Variants in WDFY4 observed in about 807,000 individuals in gnomAD.
WDFY4 encodes WDFY family member 4.
A neutral mutation model predicts 351.9 loss-of-function variants in WDFY4; 169 were observed. That is an observed-to-expected ratio of 0.48 (90% confidence interval 0.42 to 0.55). The LOEUF (loss-of-function observed/expected upper bound fraction) is 0.55, where lower values mean the gene tolerates loss of function less well. WDFY4 is among the 20% of genes least tolerant of loss of function. The pLI, the probability that WDFY4 is intolerant of heterozygous loss-of-function variation, is 0.00. For missense variants in WDFY4, 3,803 were observed against 3,935.6 expected (o/e 0.97, Z 0.90); for synonymous variants, 1,622 against 1,574.6 (o/e 1.03, Z -0.71).
In WDFY4 at chr10:48,743,142, C is replaced by T; in HGVS notation, c.2053C>T (p.Leu685Phe). 3 of 1,551,702 alleles carry T rather than the reference C, an allele frequency of 1.9e-6. No individual in the cohort carries two copies. The highest frequency in any genetic ancestry group is 2.6e-6 in the Non-Finnish European group (3 of 1,146,996). ...RQTLELVLYT[L>F]CAVSAALHWD... The stretch of plus-strand genomic sequence containing the variant: ...GACCCTGGAGCTGGTTTTGTACACT[C>T]TCTGTGCTGTGTCCGCAGCGCTGCA... Residue 685 changes from leucine to phenylalanine, a missense_variant, in exon 12 of 62, where the codon CTC (leucine) becomes TTC (phenylalanine). Physicochemically the swap from Leu to Phe is conservative, Grantham distance 22 (BLOSUM62 0). Coordinates refer to ENST00000325239, the MANE Select transcript of WDFY4 (RefSeq NM_001394531.1).
chr10:48,739,177 A>T (rs4592358), intron 11 of WDFY4, among the ~76,000 whole-genome samples: 3,892 of 152,360 alleles, frequency 0.026, 84 homozygotes, highest in Non-Finnish European at 0.04. Flanking sequence ...ATGGAAAATT[A>T]TGAGGAATAA....
At position 48,709,840 on chromosome 10, in the gene WDFY4, G is replaced by A. The variant is rs1211487176; in HGVS notation, c.108G>A (p.Gln36=). ...AVQPDVPHGG[Q]SSSPTALWDM... is the part of the protein sequence containing the mutation. The stretch of plus-strand genomic sequence containing the variant: ...AGCCTGATGTCCCACATGGAGGGCA[G>A]TCCTCCAGCCCCACAGCTCTCTGGG... Residue 36 remains glutamine (Q), a synonymous_variant, in exon 2 of 62, where the codon CAG becomes CAA. Coordinates refer to ENST00000325239, the MANE Select transcript of WDFY4 (RefSeq NM_001394531.1). The A allele has an allele frequency of 6.4e-7, 1 of 1,551,900 alleles. No individual in the cohort carries two copies. The highest frequency in any genetic ancestry group is 2.4e-5 in the East Asian group (1 of 40,928).
chr10:48,845,461 A>G (rs1322190145), intron 39 of WDFY4, among the ~76,000 whole-genome samples: 1 of 150,466 alleles, frequency 6.6e-6, no homozygotes, highest in Non-Finnish European at 1.5e-5. Context: ...TTATGCTGTA[A>G]AAAGAGGTGC....
chr10:48,704,317 G>A (rs1334603401), intron 1 of WDFY4, among the ~76,000 whole-genome samples: 2 of 152,196 alleles, frequency 1.3e-5, no homozygotes, highest in Non-Finnish European at 1.5e-5. Flanking sequence ...CCTCGTGGCT[G>A]TGTGAGAAGG....
chr10:48,800,626 CAG>C (rs1414188271), intron 24 of WDFY4, among the ~76,000 whole-genome samples: 2 of 151,802 alleles, frequency 1.3e-5, no homozygotes, highest in African/African-American at 4.8e-5. Context: ...AGTTGAGAAT[CAG>C]GGAGGAACAG....
In WDFY4 at chr10:48,730,187, G is replaced by A. The variant is rs142434841; in HGVS notation, c.1129+598G>A. 2.4e-3 allele frequency among the ~76,000 whole-genome samples: 369 copies of A among 152,366 alleles called. 2 individuals are homozygous for A. The highest frequency in any genetic ancestry group is 8.6e-3 in the African/African-American group (357 of 41,590). On this transcript the variant is annotated intron_variant, in intron 8 of 61. Transcript: ENST00000325239. ...GAGTTTTTAAGGCTAAGTGTGGGTTGTCTAGGTTGAGATGAAGGGAGAAAG... is the reference window on the plus strand; with the variant it reads ...GAGTTTTTAAGGCTAAGTGTGGGTTATCTAGGTTGAGATGAAGGGAGAAAG...
chr10:48,784,469 G>A (rs911103995), intron 19 of WDFY4, among the ~76,000 whole-genome samples: 1 of 130,858 alleles, frequency 7.6e-6, no homozygotes, highest in Non-Finnish European at 1.6e-5. Flanking sequence ...TTTGCCATCT[G>A]TATATTCTCC....
rs2063309735 is a variant in WDFY4, at chr10:48,695,561, C to T, written c.-18+10560C>T. Among the ~76,000 whole-genome samples, 6 of 152,226 alleles carry T rather than the reference C, an allele frequency of 3.9e-5. No homozygotes were observed. In the South Asian group the frequency reaches 1.2e-3, roughly 32 times the overall value. Reference sequence around the variant, plus strand: ...AGTGGGAATAGTAATGCCTACCTTACAGGTTTTCTAAGAGTAGAGAACATT... The same window carrying T: ...AGTGGGAATAGTAATGCCTACCTTATAGGTTTTCTAAGAGTAGAGAACATT... On this transcript the variant is annotated intron_variant, in intron 1 of 61. Coordinates refer to ENST00000325239, the MANE Select transcript of WDFY4 (RefSeq NM_001394531.1).
At position 48,684,894 on chromosome 10, in the gene WDFY4, C is replaced by G. The variant is rs2063000891; in HGVS notation, c.-125C>G. On this transcript the variant is annotated 5_prime_UTR_variant, in exon 1 of 62. Coordinates refer to ENST00000325239, the MANE Select transcript of WDFY4 (RefSeq NM_001394531.1). ...ATTCAGAGTGAAACGGCGCTGAGGA[C>G]TGACGATGTGGGGCCGGGTCCTCTT... The G allele has an allele frequency of 6.6e-6, 1 of 152,398 alleles. No homozygotes were observed. The highest frequency in any genetic ancestry group is 1.9e-4 in the East Asian group (1 of 5,200). 9.4% of individuals were successfully genotyped at this position (152,398 alleles called of 1,614,324 possible). A position where few individuals can be genotyped will look rare whatever the true frequency, so the allele number is the denominator to read the frequency against.
intron 27 of WDFY4, 55 bp downstream of exon 27, chr10:48,806,150 G>A: frequency 6.6e-7 from 1 of 1,509,734 alleles, no homozygotes; most frequent in Non-Finnish European, 9.0e-7. Context: ...CGGAACCCCT[G>A]AGAGGCCCAC....
At chr10:48,716,263 A>G (rs1051069641) in intron 2 of WDFY4, among the ~76,000 whole-genome samples, 2 of 152,054 alleles carry the variant, frequency 1.3e-5, no homozygotes, top group Non-Finnish European at 2.9e-5. Flanking sequence ...TGGAATACCA[A>G]CCATGTTCTC....
chr10:48,756,792 C>T (rs1369331338), intron 12 of WDFY4, among the ~76,000 whole-genome samples: 1 of 151,970 alleles, frequency 6.6e-6, no homozygotes, highest in Non-Finnish European at 1.5e-5. Flanking sequence ...ACGGGTAGTC[C>T]AATTGGCCAT....
At chr10:48,853,593 A>G (rs1178730057) in intron 39 of WDFY4, among the ~76,000 whole-genome samples, 2 of 152,242 alleles carry the variant, frequency 1.3e-5, no homozygotes, top group Non-Finnish European at 2.9e-5. Context: ...CATTCATTAA[A>G]TCAATTCTCC....
intron 39 of WDFY4, among the ~76,000 whole-genome samples, chr10:48,864,104 A>C (rs1775315344): frequency 6.6e-6 from 1 of 152,198 alleles, no homozygotes; most frequent in Admixed American, 6.5e-5. Flanking sequence ...TAACCATATC[A>C]CTTTTCACTG....
Position 48,721,279 on chromosome 10 carries a change from C to T in WDFY4, c.368C>T (p.Ala123Val). 6.4e-7 allele frequency: 1 copy of T among 1,551,672 alleles called. No individual in the cohort carries two copies. Among genetic ancestry groups the T allele is most frequent in the Non-Finnish European group, 8.7e-7 (1 of 1,146,984 alleles). ...CTTCCAGAGCAAGCTCGGTTGGCAGCTGGACAGTTGCTGTGGTGGAAGGGG... is the reference window on the plus strand; with the variant it reads ...CTTCCAGAGCAAGCTCGGTTGGCAGTTGGACAGTTGCTGTGGTGGAAGGGG... The part of the protein sequence containing the change: ...GKPAEQARLA[A>V]GQLLWWKGDV... The change falls in exon 4 of 62, where the codon GCT (alanine) becomes GTT (valine). Residue 123 changes from alanine (A) to valine (V), a missense_variant. By Grantham distance (64) the Ala-to-Val change is moderately conservative. Transcript: ENST00000325239.
chr10:48,711,756 C>T (rs10776637), intron 2 of WDFY4, among the ~76,000 whole-genome samples: 44,335 of 152,070 alleles, frequency 0.29, 6,949 homozygotes, highest in East Asian at 0.64. Context: ...CAGACGGCAT[C>T]GAATAGCACA....
In WDFY4 at chr10:48,725,983, A is replaced by G; in HGVS notation, c.694A>G (p.Ser232Gly). The change falls in exon 6 of 62, where the codon AGC becomes GGC. Residue 232 changes from serine (S) to glycine (G), a missense_variant. Around this residue, in one of 3 missense-constraint regions of WDFY4, gnomAD observed 488 missense variants for 456.8 expected, o/e 1.07. Transcript: ENST00000325239. ...LIATTCLREH[S>G]CCFWKEPTFC... Reference sequence around the variant, plus strand: ...TGCCACGACCTGCCTTCGGGAGCACAGCTGCTGCTTCTGGAAGGAACCCAC... The same window carrying G: ...TGCCACGACCTGCCTTCGGGAGCACGGCTGCTGCTTCTGGAAGGAACCCAC... The G allele has an allele frequency of 1.9e-6, 3 of 1,551,748 alleles. No homozygotes were observed. Among genetic ancestry groups the G allele is most frequent in the Non-Finnish European group, 2.6e-6 (3 of 1,147,004 alleles).
intron 43 of WDFY4, among the ~76,000 whole-genome samples, chr10:48,877,563 G>T (rs1589798586): frequency 6.6e-6 from 1 of 152,230 alleles, no homozygotes; most frequent in East Asian, 1.9e-4. Flanking sequence ...TTTGTGGCCT[G>T]ACCACCCTGA....
chr10:48,974,518 A>AAAAAAAAAAAAAAAAACAAC (rs1287019683), intron 57 of WDFY4, among the ~76,000 whole-genome samples: 2 of 27,974 alleles, frequency 7.1e-5, no homozygotes, highest in Non-Finnish European at 1.9e-4. Flanking sequence ...AAAAAAAAAA[A>AAAAAAAAAAAAAAAAACAAC]AAAAAAAAAA....
Sources: allele counts gnomAD v4.1 joint callset (sites outside exome capture counted in the v4.1 genomes callset), GRCh38; gene constraint gnomAD v4.1.1; regional missense constraint gnomAD v4.1.1; transcripts MANE v1.5; gene names NCBI Gene and HGNC (gene_info 2026-07-23, HGNC 2026-07-21).